RP1: variants seen among roughly 807,000 people sequenced by gnomAD.
The protein encoded by RP1 is RP1 axonemal microtubule associated.
Under a neutral mutation model 14.8 loss-of-function variants are expected in RP1, and 16 were observed. The ratio of observed to expected loss-of-function variants is 1.08; its 90% CI spans 0.73 to 1.65. The LOEUF (loss-of-function observed/expected upper bound fraction) is 1.65. RP1 is among the 40% of genes most tolerant of loss of function. The probability of loss-of-function intolerance (pLI) is 0.00; values close to 1 mark genes in which losing one functional copy is unlikely to be tolerated. For synonymous variants in RP1, 876 were observed against 883.6 expected (o/e 0.99, Z 0.15); for missense variants, 2,631 against 2,535.0 (o/e 1.04, Z -0.81).
intron 5 of RP1, among the ~76,000 whole-genome samples, chr8:54,654,804 C>T (rs1806722321): frequency 6.6e-6 from 1 of 152,146 alleles, no homozygotes; most frequent in South Asian, 2.1e-4. Context: ...TGCACCACCA[C>T]ACCTGGCTAA....
intron 28 of RP1, among the ~76,000 whole-genome samples, chr8:54,867,350 C>A (rs1218555368): frequency 1.3e-5 from 2 of 152,150 alleles, no homozygotes; most frequent in Non-Finnish European, 2.9e-5. Context: ...GTAGTAGTAG[C>A]TATTGCCATT....
intron 24 of RP1, among the ~76,000 whole-genome samples, chr8:54,793,432 A>G (rs1810515182): frequency 6.6e-6 from 1 of 152,034 alleles, no homozygotes. Context: ...ATCCTCAACA[A>G]AATACTGGCA....
chr8:54,577,938 A>G (rs1804696535), intron 1 of RP1, among the ~76,000 whole-genome samples: 1 of 120,094 alleles, frequency 8.3e-6, no homozygotes, highest in African/African-American at 2.5e-5. Context: ...AAAGCATGAC[A>G]AACATTTTCT....
chr8:54,805,563 T>C (rs936780139), intron 24 of RP1, among the ~76,000 whole-genome samples: 4 of 152,224 alleles, frequency 2.6e-5, no homozygotes, highest in African/African-American at 7.2e-5. Context: ...CCATGTTAAT[T>C]GGACCTTGTT....
At chr8:54,578,309 T>A (rs1160233860) in intron 1 of RP1, among the ~76,000 whole-genome samples, 1 of 152,182 alleles carries the variant, frequency 6.6e-6, no homozygotes, top group African/African-American at 2.4e-5. Flanking sequence ...TAGGCTCAAG[T>A]GATCCTCTTG....
chr8:54,669,096 C>A (rs1015057924), intron 7 of RP1, among the ~76,000 whole-genome samples: 1 of 152,130 alleles, frequency 6.6e-6, no homozygotes, highest in African/African-American at 2.4e-5. Context: ...AGGCCACCTA[C>A]AGAATGGGAG....
At chr8:54,714,629 T>C (rs1389446320) in intron 15 of RP1, among the ~76,000 whole-genome samples, 1 of 152,200 alleles carries the variant, frequency 6.6e-6, no homozygotes, top group Non-Finnish European at 1.5e-5. Context: ...CCAAACTGTC[T>C]TTAAAAACCC....
chr8:54,613,566 TA>T (rs1805645875), upstream of RP1, among the ~76,000 whole-genome samples: 1 of 152,190 alleles, frequency 6.6e-6, no homozygotes, highest in Non-Finnish European at 1.5e-5. Context: ...GTTTGTGCAG[TA>T]TGAAATGTAT....
At position 54,630,820 on chromosome 8, in the gene RP1, A is replaced by G; in HGVS notation, c.*467A>G. 1 of 996,594 alleles carries G rather than the reference A, an allele frequency of 1.0e-6. No homozygotes were observed. Among genetic ancestry groups the G allele is most frequent in the Non-Finnish European group, 1.2e-6 (1 of 836,962 alleles). The allele number at this position is 996,594 out of a possible 1,614,324, so 61.7% of individuals were successfully genotyped here. A position where few individuals can be genotyped will look rare whatever the true frequency, so the allele number is the denominator to read the frequency against. Reference sequence around the variant, plus strand: ...GTATGATTATAAGATATCCACGACAATCTCATAGTTTCTTGTGCCAAATAT... The same window carrying G: ...GTATGATTATAAGATATCCACGACAGTCTCATAGTTTCTTGTGCCAAATAT... On this transcript the variant is annotated 3_prime_UTR_variant, in exon 4 of 4. Coordinates refer to ENST00000220676, the MANE Select transcript of RP1 (RefSeq NM_006269.2).
chr8:54,870,080 T>G (rs928966073), exon 29 of RP1: 2 of 410,110 alleles, frequency 4.9e-6, no homozygotes, highest in African/African-American at 4.1e-5. Context: ...TCATTGTTTC[T>G]GAGAACTTCC....
At chr8:54,773,796 C>T (rs1809968976), downstream of RP1, among the ~76,000 whole-genome samples, 1 of 152,154 alleles carries the variant, frequency 6.6e-6, no homozygotes, top group Admixed American at 6.6e-5. Flanking sequence ...GACTCAGCTT[C>T]CTACATGCAC....
At chr8:54,688,720 GTAGTA>G (rs1172031714) in intron 12 of RP1, among the ~76,000 whole-genome samples, 5 of 152,198 alleles carry the variant, frequency 3.3e-5, no homozygotes, top group Non-Finnish European at 1.5e-5. Context: ...CTGTAGCCTT[GTAGTA>G]TAGTTTGAAG....
chr8:54,668,330 A>T (rs949454637), intron 7 of RP1, among the ~76,000 whole-genome samples: 1 of 152,208 alleles, frequency 6.6e-6, no homozygotes, highest in Admixed American at 6.5e-5. Context: ...GATGTGAAGG[A>T]CCTCTTCAAG....
At chr8:54,632,677 T>A (rs372232765), downstream of RP1, among the ~76,000 whole-genome samples, 1 of 152,194 alleles carries the variant, frequency 6.6e-6, no homozygotes, top group Admixed American at 6.5e-5. Context: ...TTTTTTTAGT[T>A]TTTTTATATT....
At chr8:54,598,649 A>G (rs1014617875) in intron 1 of RP1, among the ~76,000 whole-genome samples, 20 of 152,006 alleles carry the variant, frequency 1.3e-4, no homozygotes. Flanking sequence ...TTTTAGAGTA[A>G]TTCTGCTGGT....
chr8:54,781,153 AT>A (rs1303933157), intron 23 of RP1: 1 of 491,530 alleles, frequency 2.0e-6, no homozygotes, highest in African/African-American at 2.1e-5. Context: ...ATCTCCCCCA[AT>A]TTAAGCTTGG....
Position 54,691,107 on chromosome 8 carries a change from A to T in RP1, c.1718-8360A>T, listed in dbSNP as rs551942479. Among the ~76,000 whole-genome samples the T allele has an allele frequency of 2.0e-5, 3 of 152,172 alleles. No individual in the cohort carries two copies. The South Asian group carries it at 6.2e-4, about 32-fold the overall frequency. On this transcript the variant is annotated intron_variant, in intron 12 of 22. Transcript: ENST00000636932. ...AATGGATTTGAAGTAGAGTAGAAAC[A>T]CTTTGGCAGCTAAGTGGAGGCCAGA... is the stretch of plus-strand genomic sequence containing the variant.
chr8:54,869,839 G>A (rs1045283060), intron 28 of RP1: 4 of 1,208,920 alleles, frequency 3.3e-6, no homozygotes, highest in Non-Finnish European at 3.1e-6. Flanking sequence ...TTTTTGCATG[G>A]CAGATGGCTA....
At chr8:54,748,292 C>T (rs1237810539) in intron 19 of RP1, among the ~76,000 whole-genome samples, 3 of 152,130 alleles carry the variant, frequency 2.0e-5, no homozygotes, top group Non-Finnish European at 2.9e-5. Flanking sequence ...TTCTGAAATG[C>T]GGTAAGAAAA....
Sources: allele counts gnomAD v4.1 joint callset (sites outside exome capture counted in the v4.1 genomes callset), GRCh38; gene constraint gnomAD v4.1.1; transcripts MANE v1.5; gene names NCBI Gene and HGNC (gene_info 2026-07-23, HGNC 2026-07-21).